OPRD1: variants seen among roughly 807,000 people sequenced by gnomAD.
The protein encoded by OPRD1 is delta-type opioid receptor.
A neutral mutation model predicts 17.5 loss-of-function variants in OPRD1; 19 were observed. The ratio of observed to expected loss-of-function variants is 1.09; its 90% CI spans 0.76 to 1.60. The LOEUF (loss-of-function observed/expected upper bound fraction) is 1.60. OPRD1 is among the 40% of genes most tolerant of loss of function. The pLI, the probability that OPRD1 is intolerant of heterozygous loss-of-function variation, is 0.00. For missense variants in OPRD1, 483 were observed against 547.2 expected (o/e 0.88, Z 1.17); for synonymous variants, 256 against 240.9 (o/e 1.06, Z -0.58).
At chr1:28,847,820 G>A in intron 1 of OPRD1, among the ~76,000 whole-genome samples, 1 of 151,980 alleles carries the variant, frequency 6.6e-6, no homozygotes, top group East Asian at 1.9e-4. Context: ...AACAGGGTGA[G>A]AACCTGCCTC....
chr1:28,820,367 G>A (rs900018286), intron 1 of OPRD1, among the ~76,000 whole-genome samples: 1 of 151,612 alleles, frequency 6.6e-6, no homozygotes, highest in African/African-American at 2.4e-5. Context: ...GCTAATTTTT[G>A]TATTTTTAGT....
At chr1:28,849,811 A>T (rs912251169) in intron 1 of OPRD1, among the ~76,000 whole-genome samples, 1 of 152,078 alleles carries the variant, frequency 6.6e-6, no homozygotes, top group Admixed American at 6.6e-5. Flanking sequence ...TATAAGTGCT[A>T]TATGAAAAAG....
intron 1 of OPRD1, among the ~76,000 whole-genome samples, chr1:28,837,372 A>G (rs1293640514): frequency 6.6e-6 from 1 of 152,122 alleles, no homozygotes; most frequent in Non-Finnish European, 1.5e-5. Context: ...GTTGGGGACC[A>G]GGTGCAGTGG....
chr1:28,827,487 G>A (rs562937933), intron 1 of OPRD1, among the ~76,000 whole-genome samples: 84 of 152,116 alleles, frequency 5.5e-4, no homozygotes, highest in African/African-American at 1.6e-3. Flanking sequence ...ATGCCATTGC[G>A]CCTAGCTTCA....
intron 1 of OPRD1, among the ~76,000 whole-genome samples, chr1:28,829,774 A>G (rs781006113): frequency 4.6e-5 from 7 of 152,142 alleles, no homozygotes; most frequent in Non-Finnish European, 7.4e-5. Context: ...CAGTGATGCA[A>G]TCATGCCTCA....
intron 1 of OPRD1, among the ~76,000 whole-genome samples, chr1:28,846,034 A>G (rs996359899): frequency 2.0e-5 from 3 of 152,180 alleles, no homozygotes; most frequent in African/African-American, 7.2e-5. Context: ...CATAGCCCAA[A>G]GGCCCTGTGT....
At chr1:28,851,590 G>A (rs1414269945) in intron 1 of OPRD1, among the ~76,000 whole-genome samples, 2 of 152,120 alleles carry the variant, frequency 1.3e-5, no homozygotes, top group Non-Finnish European at 2.9e-5. Flanking sequence ...GTGGGGAGGA[G>A]GCCGGGCACC....
intron 1 of OPRD1, among the ~76,000 whole-genome samples, chr1:28,826,242 G>T (rs1412269567): frequency 6.6e-6 from 1 of 152,206 alleles, no homozygotes; most frequent in Non-Finnish European, 1.5e-5. Flanking sequence ...GTTGTTTACA[G>T]CTGGGTGTGC....
chr1:28,833,280 C>T (rs1469237485), intron 1 of OPRD1, among the ~76,000 whole-genome samples: 2 of 152,218 alleles, frequency 1.3e-5, no homozygotes, highest in Admixed American at 6.5e-5. Context: ...CTGCCCTTTT[C>T]CAGCTCAGGA....
chr1:28,861,893 T>C (rs1170122206), intron 2 of OPRD1, among the ~76,000 whole-genome samples: 5 of 151,380 alleles, frequency 3.3e-5, no homozygotes, highest in African/African-American at 9.7e-5. Flanking sequence ...TTTAGGTACC[T>C]TAGCCTTTTC....
At chr1:28,831,589 C>T (rs1304339840) in intron 1 of OPRD1, among the ~76,000 whole-genome samples, 1 of 152,066 alleles carries the variant, frequency 6.6e-6, no homozygotes, top group Non-Finnish European at 1.5e-5. Context: ...GAACTGCTGA[C>T]TTTTTTCTTT....
At chr1:28,859,546 A>C (rs1384461054) in intron 2 of OPRD1, among the ~76,000 whole-genome samples, 1 of 152,188 alleles carries the variant, frequency 6.6e-6, no homozygotes, top group East Asian at 1.9e-4. Context: ...GTGAAGATGA[A>C]TGACTGATCA....
chr1:28,846,974 T>A (rs1338469781), intron 1 of OPRD1, among the ~76,000 whole-genome samples: 1 of 150,942 alleles, frequency 6.6e-6, no homozygotes, highest in Non-Finnish European at 1.5e-5. Flanking sequence ...CTTTCTTCCT[T>A]CCTTCCTTTC....
At chr1:28,813,904 A>T (rs1004467941) in intron 1 of OPRD1, among the ~76,000 whole-genome samples, 2 of 152,142 alleles carry the variant, frequency 1.3e-5, no homozygotes, top group Non-Finnish European at 2.9e-5. Context: ...AAGAATACAG[A>T]CCTAATCTCC....
intron 1 of OPRD1, among the ~76,000 whole-genome samples, chr1:28,836,459 G>A (rs1180752652): frequency 1.3e-5 from 2 of 149,950 alleles, no homozygotes; most frequent in South Asian, 2.1e-4. Flanking sequence ...GCAGTGAGCC[G>A]AGATCGCGCC....
chr1:28,850,546 C>A (rs559955440), intron 1 of OPRD1, among the ~76,000 whole-genome samples: 1 of 151,638 alleles, frequency 6.6e-6, no homozygotes, highest in Non-Finnish European at 1.5e-5. Context: ...TGGTCTCCAA[C>A]TCCTAACCTC....
At chr1:28,833,732 A>T (rs901849522) in intron 1 of OPRD1, among the ~76,000 whole-genome samples, 2 of 152,282 alleles carry the variant, frequency 1.3e-5, no homozygotes. Flanking sequence ...TCCTGGTACT[A>T]CAACCTGTCA....
chr1:28,849,609 G>T (rs204083), intron 1 of OPRD1, among the ~76,000 whole-genome samples: 1 of 152,134 alleles, frequency 6.6e-6, no homozygotes, highest in East Asian at 1.9e-4. Context: ...AAAAATCAGC[G>T]TTTAATTATA....
intron 1 of OPRD1, among the ~76,000 whole-genome samples, chr1:28,825,801 C>G (rs1292139685): frequency 6.6e-6 from 1 of 152,264 alleles, no homozygotes; most frequent in East Asian, 1.9e-4. Context: ...CAGCCCTGTC[C>G]TTCATCAGCA....
Sources: allele counts gnomAD v4.1 joint callset (sites outside exome capture counted in the v4.1 genomes callset), GRCh38; gene constraint gnomAD v4.1.1; transcripts MANE v1.5; gene names NCBI Gene and HGNC (gene_info 2026-07-23, HGNC 2026-07-21).